The following HPSE2 variants were observed in gnomAD, a reference collection of about 807,000 sequenced individuals.
HPSE2 encodes the protein inactive heparanase-2.
Under a neutral mutation model 60.5 loss-of-function variants are expected in HPSE2, and 38 were observed. The observed-to-expected ratio is 0.63, with a 90% CI of 0.48 to 0.82. HPSE2 has a LOEUF of 0.82. Ranked by LOEUF, HPSE2 falls within the 40% of genes least tolerant of loss-of-function variation. HPSE2 has a pLI of 0.00. For synonymous variants in HPSE2, 295 were observed against 293.2 expected, an observed-to-expected ratio of 1.01 and a Z score of -0.06; for missense variants, 713 against 740.4, an observed-to-expected ratio of 0.96 and a Z score of 0.43.
At chr10:99,166,712 T>A (rs185142890) in intron 2 of HPSE2, among the ~76,000 whole-genome samples, 1 of 152,320 alleles carries the variant, frequency 6.6e-6, no homozygotes, top group Admixed American at 6.5e-5. Context: ...TATTTTCTAA[T>A]TTTTTAAATT....
Position 98,614,982 on chromosome 10 carries a change from G to A in HPSE2, c.1242C>T (p.Gly414=). 1 of 1,613,912 alleles carries A rather than the reference G, an allele frequency of 6.2e-7. No individual in the cohort carries two copies. The highest frequency in any genetic ancestry group is 1.1e-5 in the South Asian group (1 of 91,074). Reference sequence around the variant, plus strand: ...ATGAGTGCCGTATCACGACATCAATGCCCTGATTGGCCAGCATTCCTAAAG... The same window carrying A: ...ATGAGTGCCGTATCACGACATCAATACCCTGATTGGCCAGCATTCCTAAAG... The part of the protein sequence containing the change: ...LNTLGMLANQ[G]IDVVIRHSFF... Residue 414 remains glycine, a synonymous_variant, in exon 9 of 12, where the codon GGC becomes GGT. Transcript: ENST00000370552.
chr10:98,955,020 C>A, intron 3 of HPSE2, among the ~76,000 whole-genome samples: 1 of 148,382 alleles, frequency 6.7e-6, no homozygotes, highest in African/African-American at 2.5e-5. Context: ...AACTCTAAGG[C>A]TAGAAAGACC....
At chr10:99,274,071 T>A in the HPSE2 span, among the ~76,000 whole-genome samples, 3 of 151,080 alleles carry the variant, frequency 2.0e-5, no homozygotes, top group South Asian at 4.2e-4. Flanking sequence ...AGCAGGCAGG[T>A]GCGGTGGCTC....
the HPSE2 span, among the ~76,000 whole-genome samples, chr10:99,289,038 G>A: frequency 6.6e-6 from 1 of 151,984 alleles, no homozygotes; most frequent in Non-Finnish European, 1.5e-5. Context: ...GTTTTACCAA[G>A]CCCCAAAAGA....
chr10:99,102,636 G>C (rs567622980), intron 3 of HPSE2, among the ~76,000 whole-genome samples: 1 of 152,074 alleles, frequency 6.6e-6, no homozygotes, highest in African/African-American at 2.4e-5. Flanking sequence ...ATTTTATGAC[G>C]CCAGCATCAT....
At chr10:98,826,678 C>A (rs538996143) in intron 3 of HPSE2, among the ~76,000 whole-genome samples, 1 of 152,208 alleles carries the variant, frequency 6.6e-6, no homozygotes, top group Admixed American at 6.5e-5. Context: ...AGAAGAGACC[C>A]AGTAAAGAGG....
intron 3 of HPSE2, among the ~76,000 whole-genome samples, chr10:99,131,481 TTATATATGTGTATATA>T (rs1845382230): frequency 6.6e-6 from 1 of 151,770 alleles, no homozygotes; most frequent in Admixed American, 6.6e-5. Context: ...TGATATATAT[TTATATATGTGTATATA>T]TATATATGTA....
intron 2 of HPSE2, among the ~76,000 whole-genome samples, chr10:99,186,641 G>GA (rs1211763286): frequency 1.4e-5 from 2 of 145,136 alleles, no homozygotes; most frequent in Non-Finnish European, 3.0e-5. Context: ...AGTGCTGGAA[G>GA]AAAAAAATGT....
At chr10:99,048,308 A>G in intron 3 of HPSE2, 1 of 432,054 alleles carries the variant, frequency 2.3e-6, no homozygotes, top group Non-Finnish European at 4.3e-6. Context: ...GAAGAAAAAG[A>G]CCACCCATTT....
chr10:98,747,685 A>G (rs1949661366), intron 3 of HPSE2, among the ~76,000 whole-genome samples: 1 of 152,170 alleles, frequency 6.6e-6, no homozygotes. Context: ...CCCGAAAGTG[A>G]TTTCGACTTT....
Position 98,707,386 on chromosome 10 carries a change from T to C in HPSE2, c.957-13439A>G, listed in dbSNP as rs573703480. 1.3e-3 allele frequency among the ~76,000 whole-genome samples: 204 copies of C among 152,226 alleles called. 6 individuals are homozygous for C. Among genetic ancestry groups the C allele is most frequent in the Non-Finnish European group, 4.6e-4 (31 of 68,044 alleles). Reference sequence around the variant, plus strand: ...GTCTCTGGACAGGCAATTCAGAACATTTCTAATTTGGCATGTTGAAAATTG... The same window carrying C: ...GTCTCTGGACAGGCAATTCAGAACACTTCTAATTTGGCATGTTGAAAATTG... On this transcript the variant is annotated intron_variant, in intron 5 of 11. Coordinates refer to ENST00000370552, the MANE Select transcript of HPSE2 (RefSeq NM_021828.5).
chr10:98,899,059 G>A (rs1406189016), intron 3 of HPSE2, among the ~76,000 whole-genome samples: 1 of 152,208 alleles, frequency 6.6e-6, no homozygotes, highest in Non-Finnish European at 1.5e-5. Flanking sequence ...AAAACTTTGT[G>A]CCTTGGCTTA....
chr10:98,744,854 C>A (rs1949588975), intron 3 of HPSE2, among the ~76,000 whole-genome samples: 1 of 152,162 alleles, frequency 6.6e-6, no homozygotes, highest in Admixed American at 6.5e-5. Context: ...AAAATTTTCA[C>A]TGAAGTCCAG....
intron 4 of HPSE2, among the ~76,000 whole-genome samples, chr10:98,735,275 C>T (rs185430966): frequency 6.4e-4 from 2 of 3,118 alleles, no homozygotes; most frequent in Admixed American, 4.3e-3. Flanking sequence ...AAGCCCCAAG[C>T]CTTGGCAGCT....
chr10:98,866,190 T>G (rs771952468), intron 3 of HPSE2, among the ~76,000 whole-genome samples: 3 of 152,178 alleles, frequency 2.0e-5, no homozygotes, highest in Non-Finnish European at 4.4e-5. Flanking sequence ...AATATCCAAA[T>G]TGAATTTCTA....
chr10:98,632,469 C>A (rs1446596609), intron 7 of HPSE2, among the ~76,000 whole-genome samples: 1 of 152,086 alleles, frequency 6.6e-6, no homozygotes, highest in African/African-American at 2.4e-5. Flanking sequence ...AATTAAGGTT[C>A]ATGGAATGAC....
At chr10:98,734,093 A>G (rs1339948657) in intron 4 of HPSE2, among the ~76,000 whole-genome samples, 1 of 152,176 alleles carries the variant, frequency 6.6e-6, no homozygotes, top group African/African-American at 2.4e-5. Context: ...ATTTCATATA[A>G]GGGGAATTAT....
chr10:98,559,832 G>T (rs1469257136), intron 9 of HPSE2, among the ~76,000 whole-genome samples: 1 of 152,152 alleles, frequency 6.6e-6, no homozygotes, highest in Admixed American at 6.5e-5. Flanking sequence ...GAGGCCTTGT[G>T]GAAGAGATGG....
intron 8 of HPSE2, among the ~76,000 whole-genome samples, chr10:98,618,878 G>A (rs1945995697): frequency 6.6e-6 from 1 of 152,124 alleles, no homozygotes; most frequent in Non-Finnish European, 1.5e-5. Context: ...TGCCTGGCTG[G>A]GAGTGTACTT....
Sources: gnomAD v4.1 joint callset for allele counts (sites outside exome capture counted in the v4.1 genomes callset) on GRCh38, gnomAD v4.1.1 for gene constraint, MANE v1.5 for transcripts, NCBI Gene and HGNC (gene_info 2026-07-23, HGNC 2026-07-21) for gene names.